Variants in SRSF3 observed in about 807,000 individuals in gnomAD.
SRSF3 encodes the protein serine and arginine rich splicing factor 3.
For missense variants in SRSF3, 58 were observed against 217.1 expected (o/e 0.27, Z 4.61); for synonymous variants, 87 against 73.6 (o/e 1.18, Z -0.93).
intron 3 of SRSF3, chr6:36,599,427 C>A (rs1778683174): frequency 5.1e-6 from 1 of 195,842 alleles, no homozygotes; most frequent in Non-Finnish European, 1.1e-5. Flanking sequence ...CTGAGACTAA[C>A]TTAAGTCACT....
chr6:36,601,511 C>G, intron 4 of SRSF3, 197 bp from the exon 5 acceptor site: 1 of 590,840 alleles, frequency 1.7e-6, no homozygotes. Context: ...CCATACCTGG[C>G]TAATTTATTT....
At position 36,602,733 on chromosome 6, in the gene SRSF3, T is replaced by C. The variant is rs767422924; in HGVS notation, c.*744T>C. On this transcript the variant is annotated 3_prime_UTR_variant, in exon 6 of 6. Coordinates refer to ENST00000373715, the MANE Select transcript of SRSF3 (RefSeq NM_003017.5). ...TTTTTTCATGCTGTCATTTGTAATA[T>C]GTTTTGTGAGAATCCTTGGGATTAA... The C allele has an allele frequency of 1.2e-4, 26 of 211,666 alleles. No homozygotes were observed. Among genetic ancestry groups the C allele is most frequent in the Non-Finnish European group, 2.1e-4 (22 of 104,110 alleles). The allele number at this position is 211,666 out of a possible 1,614,324, so 13.1% of individuals were successfully genotyped here.
chr6:36,601,285 C>G, intron 4 of SRSF3, 95 bp downstream of exon 4: 3 of 1,292,494 alleles, frequency 2.3e-6, no homozygotes, highest in Non-Finnish European at 3.3e-6. Flanking sequence ...GGGAATAAAC[C>G]TTGGCTTTAA....
chr6:36,595,843 C>T (rs1270869671), intron 1 of SRSF3, among the ~76,000 whole-genome samples: 1 of 152,164 alleles, frequency 6.6e-6, no homozygotes, highest in African/African-American at 2.4e-5. Flanking sequence ...CCGCGTAAGA[C>T]TCTGGTCTAT....
At position 36,602,043 on chromosome 6, in the gene SRSF3, T is replaced by A; in HGVS notation, c.*54T>A. 6.4e-7 allele frequency: 1 copy of A among 1,565,138 alleles called. No individual in the cohort carries two copies. The highest frequency in any genetic ancestry group is 8.6e-7 in the Non-Finnish European group (1 of 1,166,610). ...AGGAAATTACTTCATTTGACAGGAG[T>A]ATGTACAGAAAATTCAAGTTTTGTT... On this transcript the variant is annotated 3_prime_UTR_variant, in exon 6 of 6. Coordinates refer to ENST00000373715, the MANE Select transcript of SRSF3 (RefSeq NM_003017.5).
intron 4 of SRSF3, 130 bp from the exon 5 acceptor site, chr6:36,601,578 A>G: frequency 1.2e-6 from 1 of 833,822 alleles, no homozygotes; most frequent in African/African-American, 1.7e-5. Flanking sequence ...TCTTGGCTTC[A>G]AGTGAGCCTC....
At chr6:36,599,691 A>G in intron 3 of SRSF3, 1 of 721,152 alleles carries the variant, frequency 1.4e-6, no homozygotes, top group Non-Finnish European at 2.1e-6. Context: ...ATTTTGAAAA[A>G]CAACAGCACA....
At chr6:36,594,814 G>A (rs1284594286) in intron 1 of SRSF3, 2 of 151,690 alleles carry the variant, frequency 1.3e-5, no homozygotes, top group African/African-American at 4.8e-5. Context: ...ATTTAATTGG[G>A]AAGCTTCTCA....
Position 36,604,419 on chromosome 6 carries a change from C to T in SRSF3, c.*2430C>T. 1 of 197,306 alleles carries T rather than the reference C, an allele frequency of 5.1e-6. No homozygotes were observed. Among genetic ancestry groups the T allele is most frequent in the Non-Finnish European group, 1.1e-5 (1 of 95,158 alleles). 12.2% of individuals were successfully genotyped at this position (197,306 alleles called of 1,614,324 possible). On this transcript the variant is annotated 3_prime_UTR_variant, in exon 6 of 6. Transcript: ENST00000373715. ...AAGCCAGGAGTTGGAGACCAGTCTGCCCAACATGGCAAGATTCACATTTCT... is the reference window on the plus strand; with the variant it reads ...AAGCCAGGAGTTGGAGACCAGTCTGTCCAACATGGCAAGATTCACATTTCT...
rs1375033632 is a variant in SRSF3, at chr6:36,603,615, C to A, written c.*1626C>A. The stretch of plus-strand genomic sequence containing the variant: ...ACACAAATCTTGGGAGAATTGGTGT[C>A]AGGAAGGTTCAGCCTTAAAGTTAAG... On this transcript the variant is annotated 3_prime_UTR_variant, in exon 6 of 6. Coordinates refer to ENST00000373715, the MANE Select transcript of SRSF3 (RefSeq NM_003017.5). 4.4e-6 allele frequency: 1 copy of A among 229,260 alleles called. No individual in the cohort carries two copies. The highest frequency in any genetic ancestry group is 8.7e-6 in the Non-Finnish European group (1 of 115,600). 14.2% of individuals were successfully genotyped at this position (229,260 alleles called of 1,614,324 possible).
At chr6:36,597,893 CTG>C (rs897474466) in intron 2 of SRSF3, among the ~76,000 whole-genome samples, 7 of 149,992 alleles carry the variant, frequency 4.7e-5, no homozygotes, top group Non-Finnish European at 7.4e-5. Flanking sequence ...AGACGACAGT[CTG>C]TGTTGCCCAG....
chr6:36,595,219 C>T (rs1332975426), intron 1 of SRSF3, among the ~76,000 whole-genome samples: 1 of 152,170 alleles, frequency 6.6e-6, no homozygotes, highest in Non-Finnish European at 1.5e-5. Flanking sequence ...GTAATTGAAA[C>T]TGGTCTACAA....
rs1778733986 is a variant in SRSF3, at chr6:36,602,502, T to C, written c.*513T>C. 1.8e-5 allele frequency: 4 copies of C among 222,736 alleles called. No homozygotes were observed. The highest frequency in any genetic ancestry group is 2.2e-5 in the African/African-American group (1 of 44,748). The allele number at this position is 222,736 out of a possible 1,614,324, so 13.8% of individuals were successfully genotyped here. A position where few individuals can be genotyped will look rare whatever the true frequency, so the allele number is the denominator to read the frequency against. ...TTTTTGAAAAATCCAACTCTCATCCTGGGCAGAGGTTGCCTAGTTGGTATA... is the reference window on the plus strand; with the variant it reads ...TTTTTGAAAAATCCAACTCTCATCCCGGGCAGAGGTTGCCTAGTTGGTATA... On this transcript the variant is annotated 3_prime_UTR_variant, in exon 6 of 6. Transcript: ENST00000373715.
chr6:36,601,542 C>G, intron 4 of SRSF3, 166 bp from the exon 5 acceptor site: 2 of 661,918 alleles, frequency 3.0e-6, no homozygotes, highest in South Asian at 4.2e-5. Flanking sequence ...TGGGATCTCA[C>G]TTTGTTGTCC....
chr6:36,599,939 CCCA>C, intron 3 of SRSF3: 1 of 1,338,396 alleles, frequency 7.5e-7, no homozygotes, highest in Non-Finnish European at 9.9e-7. Flanking sequence ...TTTCACATGA[CCCA>C]GGCTGGCCAG....
chr6:36,597,341 G>C (rs1445849556), intron 2 of SRSF3, among the ~76,000 whole-genome samples: 1 of 152,002 alleles, frequency 6.6e-6, no homozygotes, highest in Non-Finnish European at 1.5e-5. Context: ...CCTGACCCCA[G>C]GTGATCTGAC....
In SRSF3 at chr6:36,605,327, T is replaced by C. The variant is rs889976807; in HGVS notation, c.*3338T>C. 3 of 152,034 alleles carry C rather than the reference T, an allele frequency of 2.0e-5. No individual in the cohort carries two copies. Among genetic ancestry groups the C allele is most frequent in the Non-Finnish European group, 2.9e-5 (2 of 68,024 alleles). 9.4% of individuals were successfully genotyped at this position (152,034 alleles called of 1,614,324 possible). On this transcript the variant is annotated 3_prime_UTR_variant, in exon 6 of 6. Transcript: ENST00000373715. Reference sequence around the variant, plus strand: ...CAACATGGTGAAACCCCGTCTCTACTAACAGTACAAAAATTAGCTGGGTGT... The same window carrying C: ...CAACATGGTGAAACCCCGTCTCTACCAACAGTACAAAAATTAGCTGGGTGT...
chr6:36,604,899 C>T lies in SRSF3; in HGVS notation c.*2910C>T, dbSNP rs1412786453. The T allele has an allele frequency of 6.6e-6, 1 of 152,062 alleles. No individual in the cohort carries two copies. The highest frequency in any genetic ancestry group is 1.5e-5 in the Non-Finnish European group (1 of 68,024). The allele number at this position is 152,062 out of a possible 1,614,324, so 9.4% of individuals were successfully genotyped here. ...TATTTTGTCCAAGTATGCTTTTTTTCAGAGTTCTGAATGAGATTTAGTTGT... is the reference window on the plus strand; with the variant it reads ...TATTTTGTCCAAGTATGCTTTTTTTTAGAGTTCTGAATGAGATTTAGTTGT... On this transcript the variant is annotated 3_prime_UTR_variant, in exon 6 of 6. Coordinates refer to ENST00000373715, the MANE Select transcript of SRSF3 (RefSeq NM_003017.5).
chr6:36,605,520 C>T lies in SRSF3; in HGVS notation c.*3531C>T, dbSNP rs976374601. ...AAAAAAAAAGTTTGTTTTGGTAAGC[C>T]TAGTATAATTGATTAGTTTTGTCCA... is the stretch of plus-strand genomic sequence containing the variant. On this transcript the variant is annotated 3_prime_UTR_variant, in exon 6 of 6. Transcript: ENST00000373715. 4 of 151,850 alleles carry T rather than the reference C, an allele frequency of 2.6e-5. No individual in the cohort carries two copies. The highest frequency in any genetic ancestry group is 9.7e-5 in the African/African-American group (4 of 41,344). 9.4% of individuals were successfully genotyped at this position (151,850 alleles called of 1,614,324 possible). A position where few individuals can be genotyped will look rare whatever the true frequency, so the allele number is the denominator to read the frequency against.
Sources: gnomAD v4.1 joint callset for allele counts (sites outside exome capture counted in the v4.1 genomes callset) on GRCh38, gnomAD v4.1.1 for gene constraint, MANE v1.5 for transcripts, NCBI Gene and HGNC (gene_info 2026-07-23, HGNC 2026-07-21) for gene names.